Variants in PAH observed in about 807,000 individuals in gnomAD.
PAH encodes phenylalanine-4-hydroxylase.
Under a neutral mutation model 62.0 loss-of-function variants are expected in PAH, and 64 were observed. The ratio of observed to expected loss-of-function variants is 1.03; its 90% CI spans 0.84 to 1.27. The LOEUF (loss-of-function observed/expected upper bound fraction) is 1.27. Among genes scored for constraint, PAH ranks in the 50% most tolerant of loss-of-function variants. The pLI, the probability that PAH is intolerant of heterozygous loss-of-function variation, is 0.00. For missense variants in PAH, 579 were observed against 542.8 expected (o/e 1.07, Z -0.66); for synonymous variants, 195 against 196.2 (o/e 0.99, Z 0.05).
chr12:102,936,855 G>A (rs889897347), intron 1 of PAH, among the ~76,000 whole-genome samples: 1 of 152,018 alleles, frequency 6.6e-6, no homozygotes, highest in African/African-American at 2.4e-5. Flanking sequence ...CTTTTGATTG[G>A]AGAGTGATAT....
intron 2 of PAH, among the ~76,000 whole-genome samples, chr12:102,898,873 C>G (rs1877618007): frequency 6.6e-6 from 1 of 152,064 alleles, no homozygotes. Context: ...TAATTAAAAC[C>G]TCTGGGTGTA....
chr12:102,899,384 G>A (rs1877644475), intron 2 of PAH, among the ~76,000 whole-genome samples: 1 of 152,130 alleles, frequency 6.6e-6, no homozygotes, highest in South Asian at 2.1e-4. Context: ...CCACAGCTTT[G>A]AGGATAACAA....
In PAH at chr12:102,855,014, A is replaced by G. The variant is rs758950713; in HGVS notation, c.706+122T>C. On this transcript the variant is annotated intron_variant, in intron 6 of 12. Coordinates refer to ENST00000553106, the MANE Select transcript of PAH (RefSeq NM_000277.3). Reference sequence around the variant, plus strand: ...GTTCTTCCTGGAGGAATCAACCTGCATGCATTCCTACAAGCACATGCTTTC... The same window carrying G: ...GTTCTTCCTGGAGGAATCAACCTGCGTGCATTCCTACAAGCACATGCTTTC... 4.2e-5 allele frequency: 34 copies of G among 809,904 alleles called. No homozygotes were observed. In the African/African-American group the frequency reaches 5.6e-4, roughly 13 times the overall value. The allele number at this position is 809,904 out of a possible 1,614,324, so 50.2% of individuals were successfully genotyped here. A position where few individuals can be genotyped will look rare whatever the true frequency, so the allele number is the denominator to read the frequency against.
At position 102,866,595 on chromosome 12, in the gene PAH, C is replaced by G; in HGVS notation, c.509+1G>C. 1 of 1,612,324 alleles carries G rather than the reference C, an allele frequency of 6.2e-7. No individual in the cohort carries two copies. The highest frequency in any genetic ancestry group is 8.5e-7 in the Non-Finnish European group (1 of 1,178,458). On this transcript the variant is annotated splice_donor_variant, in intron 5 of 12. Coordinates refer to ENST00000553106, the MANE Select transcript of PAH (RefSeq NM_000277.3). LOFTEE classifies it high-confidence loss of function. ...CCCCTCAACAAGCAAGGCAGACTTA[C>G]TGGCGGTAGTTGTAGGCAATGTCAG...
chr12:102,906,634 G>C (rs1029737811), intron 2 of PAH, among the ~76,000 whole-genome samples: 6 of 151,870 alleles, frequency 4.0e-5, no homozygotes, highest in African/African-American at 1.2e-4. Context: ...ATATTCTGAG[G>C]GCACATTAAG....
intron 1 of PAH, among the ~76,000 whole-genome samples, chr12:102,956,774 G>A (rs1001833281): frequency 6.6e-6 from 1 of 151,786 alleles, no homozygotes; most frequent in East Asian, 1.9e-4. Flanking sequence ...ATCCTAGGGG[G>A]ACGTCCCTGC....
chr12:102,868,435 A>ATT (rs141286717), intron 4 of PAH, among the ~76,000 whole-genome samples: 1 of 150,622 alleles, frequency 6.6e-6, no homozygotes, highest in Non-Finnish European at 1.5e-5. Flanking sequence ...ACTACTACAC[A>ATT]TTTTTTTTTA....
At chr12:102,940,077 T>G (rs1879239042) in intron 1 of PAH, among the ~76,000 whole-genome samples, 1 of 152,206 alleles carries the variant, frequency 6.6e-6, no homozygotes, top group Non-Finnish European at 1.5e-5. Context: ...AAAAATACTT[T>G]GCTAATACAT....
chr12:102,890,805 G>A (rs903382299), intron 3 of PAH, among the ~76,000 whole-genome samples: 13 of 152,108 alleles, frequency 8.5e-5, no homozygotes, highest in South Asian at 2.1e-4. Context: ...TTTTTAGGCC[G>A]GGCACTGTGG....
intron 2 of PAH, among the ~76,000 whole-genome samples, chr12:102,908,837 CT>C (rs3062641): frequency 0.025 from 3,055 of 119,954 alleles, 40 homozygotes; most frequent in African/African-American, 0.078. Context: ...CCTCATGTCT[CT>C]TTTTTTTTTT....
At position 102,933,314 on chromosome 12, in the gene PAH, T is replaced by C. The variant is rs369468666; in HGVS notation, c.-95-16089A>G. On this transcript the variant is annotated intron_variant, in intron 1 of 3. Coordinates refer to the PAH transcript ENST00000546844. ...TTTTTCAAACAACAGGATCTTATTC[T>C]TTTTATGGCTGAATAGTACTCCATT... Among the ~76,000 whole-genome samples, 674 of 152,320 alleles carry C rather than the reference T, an allele frequency of 4.4e-3. 8 individuals are homozygous for C. Among genetic ancestry groups the C allele is most frequent in the African/African-American group, 0.015 (633 of 41,560 alleles).
chr12:102,868,528 C>T (rs542784208), intron 4 of PAH, among the ~76,000 whole-genome samples: 1 of 152,048 alleles, frequency 6.6e-6, no homozygotes, highest in Admixed American at 6.5e-5. Context: ...AAGTATAACT[C>T]TTCCTTTCCC....
intron 6 of PAH, chr12:102,854,829 CAAAAA>C (rs1014030234): frequency 2.9e-4 from 121 of 417,248 alleles, no homozygotes; most frequent in Middle Eastern, 7.2e-4. Context: ...CAAAACAAAA[CAAAAA>C]AAAACCTCAG....
intron 8 of PAH, among the ~76,000 whole-genome samples, chr12:102,850,791 A>C (rs1373574224): frequency 1.3e-5 from 2 of 152,196 alleles, no homozygotes; most frequent in African/African-American, 4.8e-5. Flanking sequence ...TACTCAGCCC[A>C]AAACTTTCTT....
intron 9 of PAH, among the ~76,000 whole-genome samples, chr12:102,846,184 G>C (rs1352445291): frequency 6.6e-6 from 1 of 152,222 alleles, no homozygotes; most frequent in Non-Finnish European, 1.5e-5. Flanking sequence ...GCAGCTGTCA[G>C]TGAGAAGATA....
intron 5 of PAH, among the ~76,000 whole-genome samples, chr12:102,857,367 G>A (rs892115252): frequency 3.3e-5 from 5 of 152,338 alleles, no homozygotes; most frequent in East Asian, 1.9e-4. Flanking sequence ...TGAAAGTGAC[G>A]GGGAGAATGG....
At chr12:102,938,671 C>T (rs1015167333) in intron 1 of PAH, among the ~76,000 whole-genome samples, 1 of 152,168 alleles carries the variant, frequency 6.6e-6, no homozygotes, top group African/African-American at 2.4e-5. Context: ...AATGACAGAC[C>T]CTTAGTTGCT....
At position 102,852,820 on chromosome 12, in the gene PAH, G is replaced by A. The variant is rs138355741; in HGVS notation, c.837C>T (p.Pro279=). The A allele has an allele frequency of 8.7e-5, 140 of 1,614,016 alleles. No individual in the cohort carries two copies. The East Asian group carries it at 1.6e-3, about 19-fold the overall frequency. ...IRHGSKPMYT[P]EPDICHELLG... is the part of the protein sequence containing the mutation. Reference sequence around the variant, plus strand: ...AGCTGGAGGACAGTACTCACGGTTCGGGGGTATACATGGGCTTGGATCCAT... The same window carrying A: ...AGCTGGAGGACAGTACTCACGGTTCAGGGGTATACATGGGCTTGGATCCAT... The change falls in exon 7 of 13, where the codon CCC becomes CCT. Residue 279 remains proline, a synonymous_variant. Coordinates refer to ENST00000553106, the MANE Select transcript of PAH (RefSeq NM_000277.3).
rs1409955402 is a variant in PAH at position 102,855,216 on chromosome 12, A to G, written c.626T>C (p.Ile209Thr). ...KTHACYEYNH[I>T]FPLLEKYCGF... The stretch of plus-strand genomic sequence containing the variant: ...ACAGTACTTTTCAAGAAGTGGAAAA[A>G]TGTGATTGTACTCATAGCAAGCATG... Residue 209 changes from isoleucine to threonine, a missense_variant, in exon 6 of 13, where the codon ATT becomes ACT. Ile to Thr is a moderately conservative substitution (Grantham distance 89). Coordinates refer to ENST00000553106, the MANE Select transcript of PAH (RefSeq NM_000277.3). 1 of 1,614,148 alleles carries G rather than the reference A, an allele frequency of 6.2e-7. No individual in the cohort carries two copies. Among genetic ancestry groups the G allele is most frequent in the Non-Finnish European group, 8.5e-7 (1 of 1,180,008 alleles).
Sources: gnomAD v4.1 joint callset for allele counts (sites outside exome capture counted in the v4.1 genomes callset) on GRCh38, gnomAD v4.1.1 for gene constraint, MANE v1.5 for transcripts, NCBI Gene and HGNC (gene_info 2026-07-23, HGNC 2026-07-21) for gene names.